The following DAB1 variants were observed in gnomAD, a reference collection of about 807,000 sequenced individuals.
DAB1 encodes disabled homolog 1.
DAB1 carries 15 observed loss-of-function variants against 64.6 expected under a neutral mutation model. The ratio of observed to expected loss-of-function variants is 0.23; its 90% CI spans 0.16 to 0.36. The LOEUF (loss-of-function observed/expected upper bound fraction) is 0.36. Among genes scored for constraint, DAB1 ranks in the 10% least tolerant of loss-of-function variants. DAB1 has a pLI of 1.00. For missense variants in DAB1, 596 were observed against 706.7 expected (o/e 0.84, Z 1.78); for synonymous variants, 235 against 251.9 (o/e 0.93, Z 0.64).
chr1:57,097,604 T>A (rs114414607), intron 4 of DAB1, among the ~76,000 whole-genome samples: 2,810 of 152,292 alleles, frequency 0.018, 89 homozygotes, highest in African/African-American at 0.064. Flanking sequence ...ACAGAACTCC[T>A]AAAGGCCAAG....
chr1:57,116,612 C>G (rs1656156622), intron 4 of DAB1, among the ~76,000 whole-genome samples: 1 of 152,010 alleles, frequency 6.6e-6, no homozygotes, highest in Non-Finnish European at 1.5e-5. Context: ...CCAGCAGAAG[C>G]AAAGTGGACA....
At chr1:57,984,913 G>T (rs1225724902) in intron 5 of DAB1, among the ~76,000 whole-genome samples, 1 of 123,848 alleles carries the variant, frequency 8.1e-6, no homozygotes, top group African/African-American at 2.6e-5. Context: ...TTTAGTTGTT[G>T]TTGTTTTTTT....
chr1:57,642,372 G>A (rs181912329), intron 7 of DAB1, among the ~76,000 whole-genome samples: 1 of 152,262 alleles, frequency 6.6e-6, no homozygotes. Flanking sequence ...GATGTTGCTT[G>A]TCCCAAGCAG....
intron 1 of DAB1, among the ~76,000 whole-genome samples, chr1:57,311,249 T>C (rs368154401): frequency 6.6e-6 from 1 of 151,682 alleles, no homozygotes; most frequent in Non-Finnish European, 1.5e-5. Flanking sequence ...GTACACTCTG[T>C]CATCATGATT....
At chr1:58,458,641 TA>T (rs1257206565) in intron 3 of DAB1, among the ~76,000 whole-genome samples, 1 of 152,140 alleles carries the variant, frequency 6.6e-6, no homozygotes, top group Non-Finnish European at 1.5e-5. Context: ...CCTTCTGTAC[TA>T]AAACTACAAA....
Position 57,655,620 on chromosome 1 carries a change from A to G in DAB1, n.552-5955T>C, listed in dbSNP as rs148777742. ...TTCCAGGGGACAGAGAAAGACAATA[A>G]ACAACTAAATAATTGAATATAGAGT... On this transcript the variant is annotated intron_variant and non_coding_transcript_variant, in intron 6 of 20. Coordinates refer to the DAB1 transcript ENST00000485760. Among the ~76,000 whole-genome samples the G allele has an allele frequency of 6.0e-4, 92 of 152,352 alleles. 1 individual carries two copies. In the East Asian group the frequency reaches 0.014, roughly 23 times the overall value.
At chr1:58,409,995 A>C (rs1644651397) in intron 3 of DAB1, among the ~76,000 whole-genome samples, 2 of 152,046 alleles carry the variant, frequency 1.3e-5, no homozygotes, top group Admixed American at 1.3e-4. Context: ...GTACTTCCCC[A>C]CACACCACCT....
At chr1:58,392,026 G>T (rs1416786613) in intron 3 of DAB1, among the ~76,000 whole-genome samples, 1 of 152,208 alleles carries the variant, frequency 6.6e-6, no homozygotes, top group Non-Finnish European at 1.5e-5. Context: ...GCGTAGCCAG[G>T]CTCATGTATC....
At chr1:57,536,906 C>G (rs1218199065) in intron 7 of DAB1, among the ~76,000 whole-genome samples, 1 of 152,158 alleles carries the variant, frequency 6.6e-6, no homozygotes. Context: ...TGTGCCATGT[C>G]AGGCCTGGCA....
At chr1:58,510,784 T>C (rs1023315047) in intron 2 of DAB1, among the ~76,000 whole-genome samples, 1 of 151,978 alleles carries the variant, frequency 6.6e-6, no homozygotes, top group Non-Finnish European at 1.5e-5. Context: ...AAAGTTAGTA[T>C]ACAAAAATCA....
At chr1:57,412,627 A>G (rs1346013572) in intron 1 of DAB1, among the ~76,000 whole-genome samples, 1 of 152,224 alleles carries the variant, frequency 6.6e-6, no homozygotes, top group African/African-American at 2.4e-5. Flanking sequence ...AGATGAAACA[A>G]GACACAGTAT....
intron 6 of DAB1, among the ~76,000 whole-genome samples, chr1:57,780,807 G>T (rs1257626874): frequency 6.8e-6 from 1 of 148,088 alleles, no homozygotes; most frequent in East Asian, 2.0e-4. Context: ...AGGCTGGAGT[G>T]CAGTGGCACA....
At chr1:57,424,351 G>A (rs1243803887), upstream of DAB1, among the ~76,000 whole-genome samples, 1 of 151,128 alleles carries the variant, frequency 6.6e-6, no homozygotes, top group Non-Finnish European at 1.5e-5. Context: ...GCGAGCGAGC[G>A]AGCGAGCGGG....
chr1:58,538,790 T>C (rs1260408926), intron 1 of DAB1: 1 of 760,026 alleles, frequency 1.3e-6, no homozygotes, highest in East Asian at 2.5e-5. Flanking sequence ...AAAAAAGCAT[T>C]TTACCTGCCT....
chr1:57,204,284 G>C (rs1665354224), intron 2 of DAB1, among the ~76,000 whole-genome samples: 1 of 151,890 alleles, frequency 6.6e-6, no homozygotes, highest in Admixed American at 6.6e-5. Context: ...ACGTAACTTG[G>C]AAATCCCCAA....
intron 7 of DAB1, among the ~76,000 whole-genome samples, chr1:57,477,672 C>T (rs2101226482): frequency 6.6e-6 from 1 of 152,160 alleles, no homozygotes; most frequent in South Asian, 2.1e-4. Flanking sequence ...CTTCATTCTG[C>T]AAGTGGTGAG....
At chr1:57,729,000 T>C (rs1647297911) in intron 6 of DAB1, among the ~76,000 whole-genome samples, 1 of 152,222 alleles carries the variant, frequency 6.6e-6, no homozygotes, top group Non-Finnish European at 1.5e-5. Flanking sequence ...AGGTGACTCA[T>C]GTAGTGTTCT....
intron 4 of DAB1, among the ~76,000 whole-genome samples, chr1:58,180,404 A>C (rs1312211380): frequency 7.0e-6 from 1 of 141,968 alleles, no homozygotes; most frequent in Non-Finnish European, 1.5e-5. Context: ...GTGATCCTCT[A>C]ATATTAGCCA....
At chr1:58,084,291 C>T (rs1650171019) in intron 5 of DAB1, 1 of 152,030 alleles carries the variant, frequency 6.6e-6, no homozygotes, top group Admixed American at 6.6e-5. Context: ...TTTGCTTTAG[C>T]ATTCGGGTTG....
Sources: allele counts gnomAD v4.1 joint callset (sites outside exome capture counted in the v4.1 genomes callset), GRCh38; gene constraint gnomAD v4.1.1; transcripts MANE v1.5; gene names NCBI Gene and HGNC (gene_info 2026-07-23, HGNC 2026-07-21).